Variants in SNAI1 observed in about 807,000 individuals in gnomAD.
The protein encoded by SNAI1 is zinc finger protein SNAI1.
In SNAI1, 15 loss-of-function variants were observed where a neutral mutation model predicts 24.7. The ratio of observed to expected loss-of-function variants is 0.61; its 90% CI spans 0.41 to 0.93. The LOEUF (loss-of-function observed/expected upper bound fraction) is 0.93. Ranked by LOEUF, SNAI1 falls within the 40% of genes least tolerant of loss-of-function variation. The pLI is 0.00. For missense variants in SNAI1, 283 were observed against 336.7 expected, an observed-to-expected ratio of 0.84 and a Z score of 1.25; for synonymous variants, 163 against 142.9, an observed-to-expected ratio of 1.14 and a Z score of -1.00.
chr20:49,983,024 G>C lies in SNAI1; in HGVS notation c.-36G>C, dbSNP rs4647955. ...TAGCGAGTGGTTCTTCTGCGCTACTGCTGCGCGAATCGGCGACCCCAGTGC... is the reference window on the plus strand; with the variant it reads ...TAGCGAGTGGTTCTTCTGCGCTACTCCTGCGCGAATCGGCGACCCCAGTGC... On this transcript the variant is annotated 5_prime_UTR_variant, in exon 1 of 3. Transcript: ENST00000244050. 0.15 allele frequency: 237,811 copies of C among 1,539,174 alleles called. 28,964 individuals carry two copies. The highest frequency in any genetic ancestry group is 0.65 in the African/African-American group (47,125 of 72,812).
chr20:49,984,088 C>T lies in SNAI1; in HGVS notation c.347C>T (p.Thr116Ile). The T allele has an allele frequency of 6.2e-7, 1 of 1,614,240 alleles. No individual in the cohort carries two copies. The highest frequency in any genetic ancestry group is 1.3e-5 in the African/African-American group (1 of 75,080). ...PSPAPSSFSS[T>I]SVSSLEAEAY... is the part of the protein sequence containing the mutation. The stretch of plus-strand genomic sequence containing the variant: ...CCGGCTCCTTCGTCCTTCTCCTCTA[C>T]TTCAGTCTCTTCCTTGGAGGCCGAG... The change falls in exon 2 of 3, where the codon ACT (threonine) becomes ATT (isoleucine). Residue 116 changes from threonine to isoleucine, a missense_variant. By Grantham distance (89) the Thr-to-Ile change is moderately conservative. Coordinates refer to ENST00000244050, the MANE Select transcript of SNAI1 (RefSeq NM_005985.4).
intron 2 of SNAI1, among the ~76,000 whole-genome samples, chr20:49,987,097 G>T (rs945956462): frequency 1.3e-5 from 2 of 152,232 alleles, no homozygotes; most frequent in East Asian, 1.9e-4. Context: ...ATAGAAAGGG[G>T]CCCAGGCCCT....
chr20:49,983,122 G>A lies in SNAI1; in HGVS notation c.63G>A (p.Glu21=). 1 of 1,613,692 alleles carries A rather than the reference G, an allele frequency of 6.2e-7. No homozygotes were observed. Among genetic ancestry groups the A allele is most frequent in the Non-Finnish European group, 8.5e-7 (1 of 1,179,820 alleles). The stretch of plus-strand genomic sequence containing the variant: ...CCAATCGGAAGCCTAACTACAGCGA[G>A]CTGCAGGACTCTAATCCAGGTGCGT... ...SDPNRKPNYS[E]LQDSNPEFTF... Residue 21 remains glutamate, a synonymous_variant, in exon 1 of 3, where the codon GAG becomes GAA. Coordinates refer to ENST00000244050, the MANE Select transcript of SNAI1 (RefSeq NM_005985.4).
chr20:49,986,497 G>A (rs889887140), intron 2 of SNAI1, among the ~76,000 whole-genome samples: 4 of 152,288 alleles, frequency 2.6e-5, no homozygotes, highest in Middle Eastern at 3.4e-3. Context: ...TCCATCCAGC[G>A]CTGGGATTTC....
intron 2 of SNAI1, 152 bp from the exon 3 acceptor site, chr20:49,987,720 G>C (rs1240605100): frequency 2.9e-6 from 2 of 697,296 alleles, no homozygotes; most frequent in Non-Finnish European, 4.9e-6. Context: ...GTCAGGTCCC[G>C]GCCTTTGGAC....
chr20:49,985,848 C>G (rs1013659677), intron 2 of SNAI1, among the ~76,000 whole-genome samples: 1 of 152,226 alleles, frequency 6.6e-6, no homozygotes, highest in Non-Finnish European at 1.5e-5. Context: ...GGCCTGGTGC[C>G]GATTTCACAC....
At position 49,988,570 on chromosome 20, in the gene SNAI1, C is replaced by G. The variant is rs1047920; in HGVS notation, c.*514C>G. On this transcript the variant is annotated 3_prime_UTR_variant, in exon 3 of 3. Transcript: ENST00000244050. ...TGGCAGACTAGAGTCTGAGATGCCCCGAGCCCAGGCAGCTATTTCAGCCTC... is the reference window on the plus strand; with the variant it reads ...TGGCAGACTAGAGTCTGAGATGCCCGGAGCCCAGGCAGCTATTTCAGCCTC... 6.5e-6 allele frequency: 1 copy of G among 152,740 alleles called. No individual in the cohort carries two copies. The highest frequency in any genetic ancestry group is 2.4e-5 in the African/African-American group (1 of 41,414). 9.5% of individuals were successfully genotyped at this position (152,740 alleles called of 1,614,324 possible). A position where few individuals can be genotyped will look rare whatever the true frequency, so the allele number is the denominator to read the frequency against.
chr20:49,983,049 C>T lies in SNAI1; in HGVS notation c.-11C>T. On this transcript the variant is annotated 5_prime_UTR_variant, in exon 1 of 3. Coordinates refer to ENST00000244050, the MANE Select transcript of SNAI1 (RefSeq NM_005985.4). ...GCTGCGCGAATCGGCGACCCCAGTG[C>T]CTCGACCACTATGCCGCGCTCTTTC... is the stretch of plus-strand genomic sequence containing the variant. 2 of 1,611,790 alleles carry T rather than the reference C, an allele frequency of 1.2e-6. No individual in the cohort carries two copies. Among genetic ancestry groups the T allele is most frequent in the East Asian group, 4.5e-5 (2 of 44,754 alleles).
At chr20:49,983,700 A>C in intron 1 of SNAI1, 124 bp from the exon 2 acceptor site, 1 of 969,764 alleles carries the variant, frequency 1.0e-6, no homozygotes, top group Non-Finnish European at 1.5e-6. Context: ...TCCTGTGGAT[A>C]ATTTTTTTGA....
Position 49,988,652 on chromosome 20 carries a change from CTG to C in SNAI1, c.*599_*600del, listed in dbSNP as rs2078342324. 1 of 152,766 alleles carries C rather than the reference CTG, an allele frequency of 6.5e-6. No homozygotes were observed. The highest frequency in any genetic ancestry group is 2.4e-5 in the African/African-American group (1 of 41,432). The allele number at this position is 152,766 out of a possible 1,614,324, so 9.5% of individuals were successfully genotyped here. A position where few individuals can be genotyped will look rare whatever the true frequency, so the allele number is the denominator to read the frequency against. ...CAATTTAACAATGTCTGAAAAGGGA[CTG>C]TGAGTAATGGCTGTCACTTGTCGGG... On this transcript the variant is annotated 3_prime_UTR_variant, in exon 3 of 3. Coordinates refer to ENST00000244050, the MANE Select transcript of SNAI1 (RefSeq NM_005985.4).
intron 2 of SNAI1, among the ~76,000 whole-genome samples, chr20:49,986,163 TTA>T (rs768312361): frequency 5.3e-5 from 8 of 152,224 alleles, no homozygotes; most frequent in Non-Finnish European, 1.0e-4. Flanking sequence ...AAGGGTGAAC[TTA>T]CCCTTCTCAT....
chr20:49,984,203 C>A lies in SNAI1; in HGVS notation c.462C>A (p.Phe154Leu). The A allele has an allele frequency of 6.2e-7, 1 of 1,614,242 alleles. No individual in the cohort carries two copies. Among genetic ancestry groups the A allele is most frequent in the South Asian group, 1.1e-5 (1 of 91,090 alleles). The change falls in exon 2 of 3, where the codon TTC (phenylalanine) becomes TTA (leucine). Residue 154 changes from phenylalanine (F) to leucine (L), a missense_variant. Coordinates refer to ENST00000244050, the MANE Select transcript of SNAI1 (RefSeq NM_005985.4). Reference protein sequence around the residue: ...EAKDLQARKAFNCKYCNKEYL... With the variant: ...EAKDLQARKALNCKYCNKEYL... ...AGGATCTCCAGGCTCGAAAGGCCTTCAACTGCAAATACTGCAACAAGGAAT... is the reference window on the plus strand; with the variant it reads ...AGGATCTCCAGGCTCGAAAGGCCTTAAACTGCAAATACTGCAACAAGGAAT...
In SNAI1 at chr20:49,988,873, T is replaced by G. The variant is rs538299986; in HGVS notation, c.*817T>G. On this transcript the variant is annotated 3_prime_UTR_variant, in exon 3 of 3. Transcript: ENST00000244050. ...ATTGATATTCAATAAAGCAGTTAAT[T>G]TATATATTAAAAAGTCTTTGGTGTC... 50 of 152,740 alleles carry G rather than the reference T, an allele frequency of 3.3e-4. 1 individual carries two copies. Among genetic ancestry groups the G allele is most frequent in the Middle Eastern group, 6.8e-3 (2 of 294 alleles). 9.5% of individuals were successfully genotyped at this position (152,740 alleles called of 1,614,324 possible).
rs2078339490 is a variant in SNAI1, at chr20:49,987,994, T to G, written c.733T>G (p.Phe245Val). 1 of 1,613,562 alleles carries G rather than the reference T, an allele frequency of 6.2e-7. No individual in the cohort carries two copies. Among genetic ancestry groups the G allele is most frequent in the African/African-American group, 1.3e-5 (1 of 74,884 alleles). The change falls in exon 3 of 3, where the codon TTC becomes GTC. Residue 245 changes from phenylalanine (F) to valine (V), a missense_variant. Physicochemically the swap from Phe to Val is conservative, Grantham distance 50 (BLOSUM62 -1). Coordinates refer to ENST00000244050, the MANE Select transcript of SNAI1 (RefSeq NM_005985.4). Reference sequence around the variant, plus strand: ...CCAGTGCCAGGCGTGTGCTCGGACCTTCTCCCGAATGTCCCTGCTCCACAA... The same window carrying G: ...CCAGTGCCAGGCGTGTGCTCGGACCGTCTCCCGAATGTCCCTGCTCCACAA... ...KYQCQACART[F>V]SRMSLLHKHQ...
At chr20:49,985,865 G>C (rs1456517028) in intron 2 of SNAI1, among the ~76,000 whole-genome samples, 2 of 152,258 alleles carry the variant, frequency 1.3e-5, no homozygotes, top group African/African-American at 4.8e-5. Context: ...ACACTTGCCA[G>C]GAGTACCATG....
chr20:49,984,914 G>T (rs2078329250), intron 2 of SNAI1, among the ~76,000 whole-genome samples: 1 of 152,216 alleles, frequency 6.6e-6, no homozygotes, highest in African/African-American at 2.4e-5. Flanking sequence ...CACAAAAATG[G>T]TTCCTTGGCA....
chr20:49,983,032 A>T lies in SNAI1; in HGVS notation c.-28A>T, dbSNP rs2078321534. Reference sequence around the variant, plus strand: ...GGTTCTTCTGCGCTACTGCTGCGCGAATCGGCGACCCCAGTGCCTCGACCA... The same window carrying T: ...GGTTCTTCTGCGCTACTGCTGCGCGTATCGGCGACCCCAGTGCCTCGACCA... On this transcript the variant is annotated 5_prime_UTR_variant, in exon 1 of 3. Transcript: ENST00000244050. The T allele has an allele frequency of 6.3e-7, 1 of 1,589,316 alleles. No homozygotes were observed. Among genetic ancestry groups the T allele is most frequent in the South Asian group, 1.1e-5 (1 of 90,420 alleles).
chr20:49,985,914 C>G (rs964573143), intron 2 of SNAI1, among the ~76,000 whole-genome samples: 4 of 152,246 alleles, frequency 2.6e-5, no homozygotes, highest in African/African-American at 9.6e-5. Flanking sequence ...GAGTGGGGGT[C>G]TGTGCCTCCT....
rs1003726295 is a variant in SNAI1, at chr20:49,984,386, T to C, written c.610+35T>C. On this transcript the variant is annotated intron_variant, in intron 2 of 2. Transcript: ENST00000244050. ...CCTCCAGGCGCCCCCACCGTTGCTC[T>C]CTCTGGCAGCTTTTGTGAATCTGGG... 7.8e-6 allele frequency: 12 copies of C among 1,530,238 alleles called. No individual in the cohort carries two copies. The Admixed American group carries it at 2.5e-4, about 32-fold the overall frequency. 94.8% of individuals were successfully genotyped at this position (1,530,238 alleles called of 1,614,324 possible).
Sources: allele counts gnomAD v4.1 joint callset (sites outside exome capture counted in the v4.1 genomes callset), GRCh38; gene constraint gnomAD v4.1.1; transcripts MANE v1.5; gene names NCBI Gene and HGNC (gene_info 2026-07-23, HGNC 2026-07-21).